R3HDM1: variants seen among roughly 807,000 people sequenced by gnomAD.
The protein encoded by R3HDM1 is R3H domain containing 1.
In R3HDM1, 46 loss-of-function variants were observed where a neutral mutation model predicts 141.1. The observed-to-expected ratio is 0.33, with a 90% confidence interval of 0.26 to 0.42. The LOEUF (loss-of-function observed/expected upper bound fraction) is 0.42. Among genes scored for constraint, R3HDM1 ranks in the 10% least tolerant of loss-of-function variants. R3HDM1 has a pLI of 1.00. For synonymous variants in R3HDM1, 435 were observed against 472.9 expected (o/e 0.92, Z 1.04); for missense variants, 1,184 against 1,368.3 (o/e 0.87, Z 2.12).
intron 1 of R3HDM1, among the ~76,000 whole-genome samples, chr2:135,594,939 T>C (rs1710233513): frequency 6.6e-6 from 1 of 151,224 alleles, no homozygotes; most frequent in Non-Finnish European, 1.5e-5. Context: ...ACTTTCCTCC[T>C]CAATCCTTAA....
intron 1 of R3HDM1, among the ~76,000 whole-genome samples, chr2:135,596,130 C>G (rs1331228906): frequency 1.3e-5 from 2 of 152,118 alleles, no homozygotes; most frequent in Admixed American, 6.5e-5. Context: ...TTCTGAGTAG[C>G]TGGGATTACA....
In R3HDM1 at chr2:135,675,368, A is replaced by G. The variant is rs760225441; in HGVS notation, c.2189A>G (p.Gln730Arg). ...ATACCCAACCAGCAGCAAAACTACC[A>G]AGGAATAGTTGGAGTTCAGCAACCC... ...QVIPNQQQNY[Q>R]GIVGVQQPQS... Residue 730 changes from glutamine to arginine, a missense_variant, in exon 20 of 27, where the codon CAA (glutamine) becomes CGA (arginine). Gln to Arg is a conservative substitution (Grantham distance 43). Around this residue, in one of 5 missense-constraint regions of R3HDM1, gnomAD observed 563 missense variants for 562.0 expected, o/e 1.00. Coordinates refer to ENST00000683871, the MANE Select transcript of R3HDM1 (RefSeq NM_001378107.1). 9.9e-6 allele frequency: 16 copies of G among 1,613,868 alleles called. No individual in the cohort carries two copies. Among genetic ancestry groups the G allele is most frequent in the Middle Eastern group, 3.3e-4 (2 of 6,080 alleles).
chr2:135,669,155 C>A, intron 19 of R3HDM1: 1 of 984,564 alleles, frequency 1.0e-6, no homozygotes, highest in Non-Finnish European at 1.2e-6. Flanking sequence ...TATAGTAAGG[C>A]AAGGAAGTGT....
intron 18 of R3HDM1, among the ~76,000 whole-genome samples, chr2:135,654,507 G>A (rs1163167749): frequency 6.6e-6 from 1 of 151,916 alleles, no homozygotes; most frequent in African/African-American, 2.4e-5. Flanking sequence ...GGAATGCAGT[G>A]GTGCAATCTC....
intron 18 of R3HDM1, among the ~76,000 whole-genome samples, chr2:135,653,456 C>CTT (rs137959639): frequency 1.3e-5 from 2 of 149,760 alleles, no homozygotes; most frequent in African/African-American, 4.9e-5. Flanking sequence ...TTCTTTTTTT[C>CTT]TTTTTTTTTA....
At chr2:135,579,577 A>T (rs981675522) in intron 1 of R3HDM1, among the ~76,000 whole-genome samples, 2 of 128,692 alleles carry the variant, frequency 1.6e-5, no homozygotes, top group Non-Finnish European at 3.1e-5. Flanking sequence ...AAAGAGAAAA[A>T]TGGTAACTAT....
intron 21 of R3HDM1, among the ~76,000 whole-genome samples, chr2:135,698,114 T>G (rs1404723051): frequency 6.7e-6 from 1 of 150,074 alleles, no homozygotes; most frequent in Non-Finnish European, 1.5e-5. Flanking sequence ...GTTTTGATGT[T>G]AGAGGTGCAT....
At chr2:135,604,728 A>G (rs2059907358) in intron 2 of R3HDM1, 78 bp from the exon 3 acceptor site, 4 of 1,102,118 alleles carry the variant, frequency 3.6e-6, no homozygotes, top group Non-Finnish European at 4.0e-6. Flanking sequence ...TTTCTGGAAC[A>G]TAACAGACAG....
At position 135,699,008 on chromosome 2, in the gene R3HDM1, TAGA is replaced by T. The variant is rs1559465216; in HGVS notation, c.2460-10424_2460-10422del. 4.1e-3 allele frequency among the ~76,000 whole-genome samples: 465 copies of T among 113,496 alleles called. 2 individuals carry two copies. The highest frequency in any genetic ancestry group is 0.011 in the African/African-American group (350 of 33,094). 74.5% of individuals were successfully genotyped at this position (113,496 alleles called of 152,430 possible). On this transcript the variant is annotated intron_variant, in intron 21 of 26. Coordinates refer to ENST00000683871, the MANE Select transcript of R3HDM1 (RefSeq NM_001378107.1). ...ATAGATAGATAGATAGATAGATAGA[TAGA>T]TAGATAGATAGATAGATAGATAGAT...
chr2:135,714,032 G>A (rs572214778), intron 23 of R3HDM1, among the ~76,000 whole-genome samples: 1 of 151,818 alleles, frequency 6.6e-6, no homozygotes, highest in Non-Finnish European at 1.5e-5. Context: ...AAACCATCAG[G>A]CAAGAGTCAC....
intron 21 of R3HDM1, among the ~76,000 whole-genome samples, chr2:135,694,935 G>A (rs534645465): frequency 2.0e-5 from 3 of 152,118 alleles, no homozygotes; most frequent in Non-Finnish European, 4.4e-5. Flanking sequence ...CCAGCCACTG[G>A]CAAAACTTCA....
At chr2:135,620,706 C>A (rs2061442681) in intron 5 of R3HDM1, 1 of 924,474 alleles carries the variant, frequency 1.1e-6, no homozygotes, top group African/African-American at 1.8e-5. Context: ...TTATAGCTTT[C>A]TTTATAACTT....
At chr2:135,713,431 G>A (rs551277728) in intron 23 of R3HDM1, among the ~76,000 whole-genome samples, 1 of 152,262 alleles carries the variant, frequency 6.6e-6, no homozygotes, top group South Asian at 2.1e-4. Context: ...GCACTTTGGA[G>A]ACATTTTTCA....
intron 7 of R3HDM1, among the ~76,000 whole-genome samples, chr2:135,626,202 TGCG>T (rs2062013052): frequency 1.3e-5 from 2 of 150,746 alleles, no homozygotes; most frequent in African/African-American, 4.9e-5. Flanking sequence ...CGTGCGTGCG[TGCG>T]TGCGTGCTTG....
chr2:135,718,752 G>A (rs995697368), intron 24 of R3HDM1, among the ~76,000 whole-genome samples: 1 of 152,062 alleles, frequency 6.6e-6, no homozygotes, highest in Non-Finnish European at 1.5e-5. Flanking sequence ...AAAGTGCTGC[G>A]ATTACAAATG....
In R3HDM1 at chr2:135,705,657, A is replaced by C. The variant is rs544166581; in HGVS notation, c.2460-3776A>C. Among the ~76,000 whole-genome samples, 11 of 152,246 alleles carry C rather than the reference A, an allele frequency of 7.2e-5. No homozygotes were observed. In the South Asian group the frequency reaches 2.3e-3, roughly 32 times the overall value. On this transcript the variant is annotated intron_variant, in intron 21 of 26. Transcript: ENST00000683871. ...TCTGTTTAAAATAAATAAATAAATA[A>C]AATCACACTTTGATAAAGTAAGTTT...
chr2:135,580,527 A>G (rs573596749), intron 1 of R3HDM1, among the ~76,000 whole-genome samples: 1 of 152,230 alleles, frequency 6.6e-6, no homozygotes, highest in East Asian at 1.9e-4. Context: ...TTCTCTTAAT[A>G]TACTCTCCCT....
At chr2:135,596,480 A>T (rs1209354329) in intron 1 of R3HDM1, among the ~76,000 whole-genome samples, 2 of 152,140 alleles carry the variant, frequency 1.3e-5, no homozygotes, top group South Asian at 4.1e-4. Context: ...ATCTTTTTTT[A>T]AAATAAAATA....
intron 18 of R3HDM1, among the ~76,000 whole-genome samples, chr2:135,652,945 A>G (rs930887151): frequency 6.6e-6 from 1 of 151,822 alleles, no homozygotes; most frequent in African/African-American, 2.4e-5. Context: ...TAATGTTTTT[A>G]GGATCTTAGT....
Sources: allele counts gnomAD v4.1 joint callset (sites outside exome capture counted in the v4.1 genomes callset), GRCh38; gene constraint gnomAD v4.1.1; regional missense constraint gnomAD v4.1.1; transcripts MANE v1.5; gene names NCBI Gene and HGNC (gene_info 2026-07-23, HGNC 2026-07-21).